WWC2: variants seen among roughly 807,000 people sequenced by gnomAD.
WWC2 encodes the protein WW and C2 domain containing 2.
A neutral mutation model predicts 138.5 loss-of-function variants in WWC2; 101 were observed. That is an observed-to-expected ratio of 0.73 (90% CI 0.62 to 0.86). WWC2 has a LOEUF of 0.86. Among genes scored for constraint, WWC2 ranks in the 40% least tolerant of loss-of-function variants. The pLI, the probability that WWC2 is intolerant of heterozygous loss-of-function variation, is 0.00. For missense variants in WWC2, 1,420 were observed against 1,419.4 expected (o/e 1.00, Z -0.01); for synonymous variants, 558 against 538.4 (o/e 1.04, Z -0.50).
chr4:183,123,478 C>T (rs1732668625), intron 1 of WWC2, among the ~76,000 whole-genome samples: 1 of 150,312 alleles, frequency 6.7e-6, no homozygotes, highest in Non-Finnish European at 1.5e-5. Flanking sequence ...AGGCATATAG[C>T]ATTTATGGAT....
At chr4:183,270,785 A>T (rs1199725981) in intron 15 of WWC2, among the ~76,000 whole-genome samples, 1 of 152,136 alleles carries the variant, frequency 6.6e-6, no homozygotes, top group Non-Finnish European at 1.5e-5. Flanking sequence ...CAATAATTTC[A>T]CATTTACATA....
chr4:183,246,790 T>G (rs915321166), intron 6 of WWC2, among the ~76,000 whole-genome samples: 2 of 152,226 alleles, frequency 1.3e-5, no homozygotes, highest in Non-Finnish European at 2.9e-5. Flanking sequence ...TGCAAGACTT[T>G]ACTTGTGTGT....
intron 1 of WWC2, among the ~76,000 whole-genome samples, chr4:183,120,924 T>C (rs1732579960): frequency 6.6e-6 from 1 of 152,134 alleles, no homozygotes; most frequent in Non-Finnish European, 1.5e-5. Flanking sequence ...AGAACACATT[T>C]TAAAAAGTAA....
At chr4:183,102,715 T>G (rs928052858) in intron 1 of WWC2, among the ~76,000 whole-genome samples, 1 of 152,156 alleles carries the variant, frequency 6.6e-6, no homozygotes, top group East Asian at 1.9e-4. Flanking sequence ...TGTTTGTGAT[T>G]AATTCCTTGT....
intron 1 of WWC2, among the ~76,000 whole-genome samples, chr4:183,161,907 C>T (rs1162913734): frequency 6.6e-6 from 1 of 152,090 alleles, no homozygotes; most frequent in Non-Finnish European, 1.5e-5. Context: ...GTGAATGTTC[C>T]ACCATTTGAG....
chr4:183,138,506 T>C (rs992306855), intron 1 of WWC2, among the ~76,000 whole-genome samples: 2 of 152,218 alleles, frequency 1.3e-5, no homozygotes, highest in African/African-American at 4.8e-5. Flanking sequence ...TCCATTCTTT[T>C]ATGTGTTATC....
At chr4:183,264,954 G>C (rs1434601208) in intron 11 of WWC2, 24 bp from the exon 12 acceptor site, 3 of 1,602,894 alleles carry the variant, frequency 1.9e-6, no homozygotes, top group Non-Finnish European at 2.6e-6. Flanking sequence ...ATTCTGATTA[G>C]TGCTCTCACC....
At chr4:183,156,041 T>G (rs1056941459) in intron 1 of WWC2, among the ~76,000 whole-genome samples, 23 of 152,198 alleles carry the variant, frequency 1.5e-4, no homozygotes, top group African/African-American at 5.5e-4. Context: ...TTTTTTTCTT[T>G]TTTGAGACGG....
intron 1 of WWC2, among the ~76,000 whole-genome samples, chr4:183,147,216 C>G (rs1412155692): frequency 1.3e-5 from 2 of 152,180 alleles, no homozygotes; most frequent in Admixed American, 1.3e-4. Context: ...TTGTTCTATC[C>G]CAGATGCTTA....
At chr4:183,215,262 A>G (rs543324426) in intron 4 of WWC2, among the ~76,000 whole-genome samples, 2 of 152,334 alleles carry the variant, frequency 1.3e-5, no homozygotes, top group East Asian at 1.9e-4. Context: ...CTCTCTCAAA[A>G]TATCTTATTG....
intron 1 of WWC2, among the ~76,000 whole-genome samples, chr4:183,185,864 G>C (rs1734780600): frequency 6.6e-6 from 1 of 151,804 alleles, no homozygotes; most frequent in Non-Finnish European, 1.5e-5. Flanking sequence ...ATTAGAGCAT[G>C]TGTGGTACAT....
At chr4:183,113,529 CGCGCACATGCACGTGCATGCAA>C (rs1732316383) in intron 1 of WWC2, among the ~76,000 whole-genome samples, 1 of 147,928 alleles carries the variant, frequency 6.8e-6, no homozygotes, top group Non-Finnish European at 1.5e-5. Context: ...CGCGCGTGCG[CGCGCACATGCACGTGCATGCAA>C]GATGATCTTA....
intron 8 of WWC2, among the ~76,000 whole-genome samples, chr4:183,253,383 A>G (rs1731233914): frequency 6.6e-6 from 1 of 152,176 alleles, no homozygotes; most frequent in South Asian, 2.1e-4. Context: ...GGAACCCCCC[A>G]GGCATCTTTC....
intron 1 of WWC2, among the ~76,000 whole-genome samples, chr4:183,144,955 A>G (rs1338789403): frequency 6.6e-6 from 1 of 152,218 alleles, no homozygotes; most frequent in Non-Finnish European, 1.5e-5. Flanking sequence ...TTTAGCTGTC[A>G]AAGTCTGACA....
At chr4:183,305,503 A>G (rs1738996834) in intron 21 of WWC2, among the ~76,000 whole-genome samples, 1 of 150,994 alleles carries the variant, frequency 6.6e-6, no homozygotes, top group South Asian at 2.1e-4. Flanking sequence ...AAAATTTTGA[A>G]AGAAGCCAGA....
At chr4:183,201,420 A>G (rs1386190727) in intron 2 of WWC2, among the ~76,000 whole-genome samples, 1 of 152,196 alleles carries the variant, frequency 6.6e-6, no homozygotes, top group Non-Finnish European at 1.5e-5. Context: ...GGTCTAAAGC[A>G]GTGGTTGCAC....
intron 1 of WWC2, among the ~76,000 whole-genome samples, chr4:183,192,277 G>A (rs747028375): frequency 6.6e-6 from 1 of 152,184 alleles, no homozygotes; most frequent in East Asian, 1.9e-4. Flanking sequence ...GGGAGAGTAC[G>A]TGAGGTTATA....
intron 1 of WWC2, among the ~76,000 whole-genome samples, chr4:183,115,057 G>A (rs951653562): frequency 7.2e-5 from 11 of 152,128 alleles, no homozygotes; most frequent in African/African-American, 2.7e-4. Flanking sequence ...TGTGATGTCT[G>A]TTGTTCCCTT....
chr4:183,209,149 G>C, intron 4 of WWC2, 124 bp downstream of exon 4: 1 of 633,888 alleles, frequency 1.6e-6, no homozygotes, highest in South Asian at 2.3e-5. Context: ...CCTTATCTCT[G>C]ATGAGTGGTC....
Sources: gnomAD v4.1 joint callset for allele counts (sites outside exome capture counted in the v4.1 genomes callset) on GRCh38, gnomAD v4.1.1 for gene constraint, MANE v1.5 for transcripts, NCBI Gene and HGNC (gene_info 2026-07-23, HGNC 2026-07-21) for gene names.